The following MCOLN2 variants were observed in gnomAD, a reference collection of about 807,000 sequenced individuals.
The protein encoded by MCOLN2 is mucolipin-2.
Under a neutral mutation model 67.5 loss-of-function variants are expected in MCOLN2, and 57 were observed. The observed-to-expected ratio is 0.84, with a 90% CI of 0.68 to 1.05. MCOLN2 has a LOEUF of 1.05. MCOLN2 is among the 50% of genes least tolerant of loss of function. The pLI is 0.00. For missense variants in MCOLN2, 620 were observed against 678.8 expected, an observed-to-expected ratio of 0.91 and a Z score of 0.96; for synonymous variants, 246 against 233.3, an observed-to-expected ratio of 1.05 and a Z score of -0.50.
At chr1:84,944,283 C>T (rs938355303) in intron 7 of MCOLN2, among the ~76,000 whole-genome samples, 1 of 152,056 alleles carries the variant, frequency 6.6e-6, no homozygotes, top group Non-Finnish European at 1.5e-5. Context: ...GCCTGTAATC[C>T]CAGCACTTTG....
chr1:84,968,358 T>C (rs1354727366), intron 1 of MCOLN2, among the ~76,000 whole-genome samples: 1 of 152,134 alleles, frequency 6.6e-6, no homozygotes, highest in African/African-American at 2.4e-5. Flanking sequence ...CTGTTCTTCA[T>C]ATCCCCGGAA....
intron 7 of MCOLN2, among the ~76,000 whole-genome samples, chr1:84,942,495 C>T (rs1325001811): frequency 3.3e-5 from 5 of 152,108 alleles, no homozygotes; most frequent in African/African-American, 1.2e-4. Flanking sequence ...GAAAATTATG[C>T]AAGTTCATAT....
At chr1:84,981,457 A>G (rs1650252532) in intron 1 of MCOLN2, among the ~76,000 whole-genome samples, 1 of 152,218 alleles carries the variant, frequency 6.6e-6, no homozygotes, top group Admixed American at 6.5e-5. Flanking sequence ...CATACACACA[A>G]TGGAGTACTA....
chr1:84,956,493 T>C lies in MCOLN2; in HGVS notation c.503A>G (p.Tyr168Cys). ...AGAAGGAAACATGGTCCCTTTCTTG[T>C]AATGCTGCTTACAGACTTTTAAGCC... ...RIGLKVCKQH[Y>C]KKGTMFPSNE... The change falls in exon 4 of 14, where the codon TAC (tyrosine) becomes TGC (cysteine). Residue 168 changes from tyrosine (Y) to cysteine (C), a missense_variant. By Grantham distance (194) the Tyr-to-Cys change is radical (BLOSUM62 -2). Coordinates refer to ENST00000370608, the MANE Select transcript of MCOLN2 (RefSeq NM_153259.4). The C allele has an allele frequency of 6.2e-7, 1 of 1,612,210 alleles. No homozygotes were observed. Among genetic ancestry groups the C allele is most frequent in the Non-Finnish European group, 8.5e-7 (1 of 1,179,382 alleles).
At chr1:84,987,210 A>T (rs11799767) in intron 1 of MCOLN2, among the ~76,000 whole-genome samples, 7 of 55,052 alleles carry the variant, frequency 1.3e-4, no homozygotes, top group African/African-American at 2.1e-4. Context: ...CTATCTATCT[A>T]TATATATGGC....
intron 11 of MCOLN2, chr1:84,937,463 G>A (rs1647491715): frequency 2.4e-6 from 1 of 420,168 alleles, no homozygotes; most frequent in Non-Finnish European, 3.6e-6. Flanking sequence ...GTGATCTCAC[G>A]TCCAAACATT....
intron 1 of MCOLN2, among the ~76,000 whole-genome samples, chr1:84,988,166 T>G (rs1650713356): frequency 6.6e-6 from 1 of 152,142 alleles, no homozygotes; most frequent in Non-Finnish European, 1.5e-5. Context: ...CTTAGTCCAT[T>G]CTCCATCTTG....
chr1:84,978,654 C>T (rs1055249893), intron 1 of MCOLN2, among the ~76,000 whole-genome samples: 2 of 151,990 alleles, frequency 1.3e-5, no homozygotes, highest in African/African-American at 4.8e-5. Context: ...AGGATGAAAT[C>T]CAAAACCTGA....
Position 84,996,928 on chromosome 1 carries a change from T to G in MCOLN2, c.-56A>C. On this transcript the variant is annotated 5_prime_UTR_variant, in exon 1 of 14. It removes the in-frame stop codon of an upstream open reading frame in the 5' UTR. Coordinates refer to ENST00000370608, the MANE Select transcript of MCOLN2 (RefSeq NM_153259.4). ...CGGGATTCGGAACAGGAAACACCGTTCACGGCCGACTCATTTCGCCCTCGC... is the reference window on the plus strand; with the variant it reads ...CGGGATTCGGAACAGGAAACACCGTGCACGGCCGACTCATTTCGCCCTCGC... The G allele has an allele frequency of 6.7e-7, 1 of 1,493,504 alleles. No homozygotes were observed. The highest frequency in any genetic ancestry group is 1.1e-5 in the South Asian group (1 of 88,112). The allele number at this position is 1,493,504 out of a possible 1,614,324, so 92.5% of individuals were successfully genotyped here.
intron 1 of MCOLN2, among the ~76,000 whole-genome samples, chr1:84,988,771 T>C (rs557713685): frequency 6.6e-6 from 1 of 152,228 alleles, no homozygotes; most frequent in African/African-American, 2.4e-5. Context: ...CAGAGTAAAA[T>C]CCAAACCTCC....
In MCOLN2 at chr1:84,940,904, A is replaced by G. The variant is rs754675026; in HGVS notation, c.935T>C (p.Ile312Thr). 8 of 1,613,098 alleles carry G rather than the reference A, an allele frequency of 5.0e-6. No homozygotes were observed. The highest frequency in any genetic ancestry group is 6.8e-6 in the Non-Finnish European group (8 of 1,179,458). The change falls in exon 8 of 14, where the codon ATT becomes ACT. Residue 312 changes from isoleucine to threonine, a missense_variant. Physicochemically the swap from Ile to Thr is moderately conservative, Grantham distance 89 (BLOSUM62 -1). Coordinates refer to ENST00000370608, the MANE Select transcript of MCOLN2 (RefSeq NM_153259.4). The stretch of plus-strand genomic sequence containing the variant: ...CTTCCGTAACCTTAGAGCAAGAACA[A>G]TGGATCTTGTACACAGAATAAGAGA... Reference protein sequence around the residue: ...LASLILCTRSIVLALRLRKRF... With the variant: ...LASLILCTRSTVLALRLRKRF...
chr1:84,926,545 C>G lies in MCOLN2; in HGVS notation c.*140G>C, dbSNP rs1661165732. 4.0e-6 allele frequency: 2 copies of G among 494,466 alleles called. No homozygotes were observed. Among genetic ancestry groups the G allele is most frequent in the South Asian group, 1.0e-4 (2 of 19,580 alleles). The allele number at this position is 494,466 out of a possible 1,614,324, so 30.6% of individuals were successfully genotyped here. The stretch of plus-strand genomic sequence containing the variant: ...AAGCTGGAACTTCAGTCATGGTCAG[C>G]TGGCTAACTGTGAGTCCTCTTTCCC... On this transcript the variant is annotated 3_prime_UTR_variant, in exon 14 of 14. Transcript: ENST00000370608.
At chr1:84,987,670 G>GTATATATGTATTTAGA (rs1557666198) in intron 1 of MCOLN2, among the ~76,000 whole-genome samples, 1 of 120,068 alleles carries the variant, frequency 8.3e-6, no homozygotes. Context: ...ATGTATATAT[G>GTATATATGTATTTAGA]TATATAGATA....
intron 12 of MCOLN2, 162 bp from the exon 13 acceptor site, chr1:84,929,841 G>A (rs1043918046): frequency 5.5e-6 from 3 of 545,960 alleles, no homozygotes; most frequent in Non-Finnish European, 9.1e-6. Flanking sequence ...GTCAGTCCCA[G>A]AACACCAAGG....
rs5775806 is a variant in MCOLN2 at position 84,925,892 on chromosome 1, ATT to A, written c.*791_*792del. On this transcript the variant is annotated 3_prime_UTR_variant, in exon 14 of 14. Coordinates refer to ENST00000370608, the MANE Select transcript of MCOLN2 (RefSeq NM_153259.4). ...AGGTCTTTTTGTTGATTTAAGGGTG[ATT>A]TTTTTTTTTTTTTGAGACAGGATCT... The A allele has an allele frequency of 9.1e-5, 13 of 143,258 alleles. No individual in the cohort carries two copies. Among genetic ancestry groups the A allele is most frequent in the Middle Eastern group, 3.6e-3 (1 of 274 alleles). The allele number at this position is 143,258 out of a possible 1,614,324, so 8.9% of individuals were successfully genotyped here. A position where few individuals can be genotyped will look rare whatever the true frequency, so the allele number is the denominator to read the frequency against.
chr1:84,953,845 C>T (rs1454818947), intron 4 of MCOLN2, among the ~76,000 whole-genome samples: 1 of 152,178 alleles, frequency 6.6e-6, no homozygotes, highest in Non-Finnish European at 1.5e-5. Flanking sequence ...TTCAGGGTCA[C>T]AGAAACCTAG....
intron 2 of MCOLN2, among the ~76,000 whole-genome samples, chr1:84,962,153 G>A (rs1004744008): frequency 6.6e-6 from 1 of 152,158 alleles, no homozygotes; most frequent in Non-Finnish European, 1.5e-5. Context: ...GATCCTATAT[G>A]GAAACAAAAG....
intron 1 of MCOLN2, among the ~76,000 whole-genome samples, chr1:84,985,633 G>A (rs1221104226): frequency 1.3e-5 from 2 of 152,050 alleles, no homozygotes; most frequent in Non-Finnish European, 2.9e-5. Context: ...TTATTCAAAT[G>A]CTTCAGCTGC....
At chr1:84,929,805 T>C (rs1454096765) in intron 12 of MCOLN2, 126 bp from the exon 13 acceptor site, 4 of 825,776 alleles carry the variant, frequency 4.8e-6, no homozygotes, top group Non-Finnish European at 3.6e-6. Context: ...ATCCAAGAAC[T>C]GATATTTACA....
Sources: allele counts gnomAD v4.1 joint callset (sites outside exome capture counted in the v4.1 genomes callset), GRCh38; gene constraint gnomAD v4.1.1; transcripts MANE v1.5; gene names NCBI Gene and HGNC (gene_info 2026-07-23, HGNC 2026-07-21).